Variants in NEDD9 observed in about 807,000 individuals in gnomAD.
The protein encoded by NEDD9 is neural precursor cell expressed, developmentally down-regulated 9.
A neutral mutation model predicts 76.6 loss-of-function variants in NEDD9; 26 were observed. The ratio of observed to expected loss-of-function variants is 0.34; its 90% CI spans 0.25 to 0.47. The LOEUF is 0.47. Among genes scored for constraint, NEDD9 ranks in the 20% least tolerant of loss-of-function variants. NEDD9 has a pLI of 1.00. For synonymous variants in NEDD9, 392 were observed against 414.2 expected (o/e 0.95, Z 0.65); for missense variants, 937 against 1,058.5 (o/e 0.89, Z 1.59).
At chr6:11,359,594 A>G (rs1762640176) in intron 1 of NEDD9, among the ~76,000 whole-genome samples, 1 of 152,230 alleles carries the variant, frequency 6.6e-6, no homozygotes, top group South Asian at 2.1e-4. Context: ...ATTCTTCTAG[A>G]CATCTTCCTT....
At chr6:11,289,639 G>A (rs1190006482) in intron 3 of NEDD9, among the ~76,000 whole-genome samples, 1 of 152,114 alleles carries the variant, frequency 6.6e-6, no homozygotes, top group Non-Finnish European at 1.5e-5. Context: ...TTTTAGTAGA[G>A]ACGAGGTTTC....
intron 1 of NEDD9, among the ~76,000 whole-genome samples, chr6:11,371,376 G>C (rs1185728692): frequency 3.9e-5 from 6 of 152,116 alleles, no homozygotes; most frequent in Non-Finnish European, 8.8e-5. Context: ...TACCACTATC[G>C]TATCACGCAG....
At position 11,331,384 on chromosome 6, in the gene NEDD9, TG is replaced by T. The variant is rs1213330044; in HGVS notation, c.-153+3116del. ...CTGAAGCAACAGGGTGAGGCGGGGGTGGGGGGTGTGGACAGGAAGGTAGATA... is the reference window on the plus strand; with the variant it reads ...CTGAAGCAACAGGGTGAGGCGGGGGTGGGGGTGTGGACAGGAAGGTAGATA... On this transcript the variant is annotated intron_variant, in intron 2 of 3. Coordinates refer to the NEDD9 transcript ENST00000397378. Among the ~76,000 whole-genome samples the T allele has an allele frequency of 2.4e-4, 7 of 28,598 alleles. No homozygotes were observed. In the South Asian group the frequency reaches 3.3e-3, roughly 14 times the overall value. The allele number at this position is 28,598 out of a possible 152,430, so 18.8% of individuals were successfully genotyped here. A position where few individuals can be genotyped will look rare whatever the true frequency, so the allele number is the denominator to read the frequency against.
chr6:11,330,931 GTTGT>G (rs1259302623), intron 2 of NEDD9, among the ~76,000 whole-genome samples: 2 of 152,192 alleles, frequency 1.3e-5, no homozygotes, highest in South Asian at 2.1e-4. Context: ...TCCGTAATCC[GTTGT>G]TTATCTAGTC....
At chr6:11,214,421 C>T (rs1053634947) in intron 1 of NEDD9, among the ~76,000 whole-genome samples, 10 of 152,238 alleles carry the variant, frequency 6.6e-5, no homozygotes, top group Admixed American at 3.3e-4. Context: ...TCTTCTCTCT[C>T]GGTCTTTTAT....
At chr6:11,274,538 A>C (rs562490412) in intron 3 of NEDD9, among the ~76,000 whole-genome samples, 10 of 151,990 alleles carry the variant, frequency 6.6e-5, no homozygotes, top group Admixed American at 1.3e-4. Flanking sequence ...TATTCAATCA[A>C]CTCGTTAATC....
intron 1 of NEDD9, among the ~76,000 whole-genome samples, chr6:11,335,637 A>C (rs1006533721): frequency 1.3e-5 from 2 of 152,210 alleles, no homozygotes; most frequent in African/African-American, 2.4e-5. Context: ...TGCTTCCACA[A>C]CCAGCAGTGT....
intron 3 of NEDD9, among the ~76,000 whole-genome samples, chr6:11,293,620 A>ATGTG (rs59673195): frequency 6.6e-6 from 1 of 151,806 alleles, no homozygotes; most frequent in African/African-American, 2.4e-5. Context: ...ATGACCGTCT[A>ATGTG]TGTGTGTGTG....
chr6:11,274,377 G>C (rs992420566), intron 3 of NEDD9, among the ~76,000 whole-genome samples: 2 of 152,162 alleles, frequency 1.3e-5, no homozygotes, highest in Non-Finnish European at 2.9e-5. Flanking sequence ...CTGGCCCTCA[G>C]TGCAGACAGG....
chr6:11,242,112 T>A (rs1759720124), intron 3 of NEDD9, among the ~76,000 whole-genome samples: 2 of 152,186 alleles, frequency 1.3e-5, no homozygotes, highest in Non-Finnish European at 2.9e-5. Flanking sequence ...AAGACACCAG[T>A]GTCCACCCTT....
At chr6:11,304,053 T>C (rs1442867774) in intron 3 of NEDD9, among the ~76,000 whole-genome samples, 1 of 152,198 alleles carries the variant, frequency 6.6e-6, no homozygotes, top group Non-Finnish European at 1.5e-5. Context: ...CTTTGCAGTC[T>C]ACCCATCTGA....
intron 3 of NEDD9, among the ~76,000 whole-genome samples, chr6:11,259,365 G>A (rs767727128): frequency 1.4e-4 from 21 of 152,148 alleles, no homozygotes; most frequent in Non-Finnish European, 1.6e-4. Flanking sequence ...AAATGATTTC[G>A]GATTCCTGTA....
At chr6:11,314,339 C>T (rs1162625224) in intron 2 of NEDD9, among the ~76,000 whole-genome samples, 1 of 152,168 alleles carries the variant, frequency 6.6e-6, no homozygotes, top group Non-Finnish European at 1.5e-5. Flanking sequence ...AGAAGACTCT[C>T]AGTGGGGCTC....
In NEDD9 at chr6:11,369,295, A is replaced by G. The variant is rs1762818444; in HGVS notation, c.-214+12844T>C. Among the ~76,000 whole-genome samples, 3 of 152,086 alleles carry G rather than the reference A, an allele frequency of 2.0e-5. No individual in the cohort carries two copies. In the South Asian group the frequency reaches 6.2e-4, roughly 32 times the overall value. On this transcript the variant is annotated intron_variant, in intron 1 of 3. Transcript: ENST00000397378. The stretch of plus-strand genomic sequence containing the variant: ...GAACTTTTTTTTTGCTTTGCCATTT[A>G]TTTTTATCAATTATTTATTAACAAA...
chr6:11,332,715 C>G (rs1386895861), intron 2 of NEDD9, among the ~76,000 whole-genome samples: 1 of 152,154 alleles, frequency 6.6e-6, no homozygotes, highest in Non-Finnish European at 1.5e-5. Flanking sequence ...GGAACTGATT[C>G]TTCTGCTAGA....
At chr6:11,288,248 G>A (rs765956593) in intron 3 of NEDD9, among the ~76,000 whole-genome samples, 30 of 152,362 alleles carry the variant, frequency 2.0e-4, no homozygotes, top group Middle Eastern at 3.4e-3. Flanking sequence ...GCTGCATGCC[G>A]AGGGTGGTGT....
At chr6:11,196,067 G>A (rs914082689) in intron 2 of NEDD9, among the ~76,000 whole-genome samples, 2 of 152,258 alleles carry the variant, frequency 1.3e-5, no homozygotes, top group South Asian at 4.1e-4. Context: ...CGCTTTGGGA[G>A]GGCAAGGATC....
chr6:11,331,704 T>C (rs1762041362), intron 2 of NEDD9, among the ~76,000 whole-genome samples: 1 of 152,170 alleles, frequency 6.6e-6, no homozygotes, highest in Non-Finnish European at 1.5e-5. Flanking sequence ...ACCTGCCTGA[T>C]CATGAATCTT....
chr6:11,232,730 T>G (rs1214937817), upstream of NEDD9: 1 of 1,431,560 alleles, frequency 7.0e-7, no homozygotes, highest in East Asian at 2.5e-5. Context: ...CGCCCCGCCA[T>G]TGGCTAGTGG....
Sources: gnomAD v4.1 joint callset for allele counts (sites outside exome capture counted in the v4.1 genomes callset) on GRCh38, gnomAD v4.1.1 for gene constraint, MANE v1.5 for transcripts, NCBI Gene and HGNC (gene_info 2026-07-23, HGNC 2026-07-21) for gene names.